PDE4D: variants seen among roughly 807,000 people sequenced by gnomAD.
The protein encoded by PDE4D is 3',5'-cyclic-AMP phosphodiesterase 4D.
Under a neutral mutation model 87.4 loss-of-function variants are expected in PDE4D, and 24 were observed. The observed-to-expected ratio is 0.27, with a 90% CI of 0.20 to 0.39. The LOEUF (loss-of-function observed/expected upper bound fraction) is 0.39, where lower values mean the gene tolerates loss of function less well. Ranked by LOEUF, PDE4D falls within the 10% of genes least tolerant of loss-of-function variation. The pLI is 1.00. For missense variants in PDE4D, 714 were observed against 1,041.0 expected (o/e 0.69, Z 4.32); for synonymous variants, 384 against 383.2 (o/e 1.00, Z -0.02).
At chr5:59,462,979 A>G (rs1383204093) in intron 1 of PDE4D, among the ~76,000 whole-genome samples, 1 of 152,116 alleles carries the variant, frequency 6.6e-6, no homozygotes, top group Non-Finnish European at 1.5e-5. Context: ...AGACCCCTCT[A>G]TTTATTCCTG....
At chr5:60,281,556 A>G (rs555389346) in intron 1 of PDE4D, among the ~76,000 whole-genome samples, 146 of 152,336 alleles carry the variant, frequency 9.6e-4, no homozygotes, top group African/African-American at 3.2e-3. Flanking sequence ...ATTATTCTAA[A>G]TGATAATAAA....
intron 3 of PDE4D, among the ~76,000 whole-genome samples, chr5:59,975,798 C>T (rs1761261279): frequency 6.6e-6 from 1 of 152,226 alleles, no homozygotes. Context: ...AGTGCAGACA[C>T]TCTACTTTAA....
At chr5:59,309,087 C>A (rs1174423590) in intron 1 of PDE4D, among the ~76,000 whole-genome samples, 1 of 152,100 alleles carries the variant, frequency 6.6e-6, no homozygotes, top group South Asian at 2.1e-4. Flanking sequence ...AATGGCTAGT[C>A]TCACTCTCAC....
chr5:60,473,944 T>C (rs990578144), intron 1 of PDE4D, among the ~76,000 whole-genome samples: 1 of 150,432 alleles, frequency 6.6e-6, no homozygotes. Context: ...AACCTTTTTT[T>C]CCTAAAGATA....
intron 1 of PDE4D, among the ~76,000 whole-genome samples, chr5:60,311,036 A>C (rs908540347): frequency 8.8e-6 from 1 of 113,574 alleles, no homozygotes; most frequent in Non-Finnish European, 1.7e-5. Flanking sequence ...TTTTTTTTTG[A>C]GGTGGAGTTT....
At chr5:60,498,582 G>A (rs1434207569) in intron 1 of PDE4D, among the ~76,000 whole-genome samples, 3 of 152,204 alleles carry the variant, frequency 2.0e-5, no homozygotes, top group Admixed American at 2.0e-4. Context: ...GCTGTGGGCA[G>A]AGGGCTTCAG....
chr5:59,439,490 A>G (rs535524998), intron 1 of PDE4D, among the ~76,000 whole-genome samples: 9 of 152,132 alleles, frequency 5.9e-5, no homozygotes, highest in East Asian at 1.9e-4. Context: ...ATCAGTTTCC[A>G]TGACACTTAG....
chr5:60,038,480 C>G (rs1296074300), intron 2 of PDE4D, among the ~76,000 whole-genome samples: 1 of 152,028 alleles, frequency 6.6e-6, no homozygotes, highest in Non-Finnish European at 1.5e-5. Flanking sequence ...TTCCACTGAT[C>G]TATATCTCTG....
intron 1 of PDE4D, among the ~76,000 whole-genome samples, chr5:59,827,946 T>A (rs189170431): frequency 5.9e-5 from 9 of 152,290 alleles, no homozygotes; most frequent in African/African-American, 1.9e-4. Context: ...TGAGGTCATA[T>A]TGTATTTGTT....
At chr5:59,360,192 C>T (rs886146286) in intron 1 of PDE4D, among the ~76,000 whole-genome samples, 2 of 152,084 alleles carry the variant, frequency 1.3e-5, no homozygotes, top group African/African-American at 2.4e-5. Context: ...ATAAGTTAAA[C>T]GTAATCCACA....
chr5:59,742,853 T>C (rs999743961), intron 1 of PDE4D, among the ~76,000 whole-genome samples: 2 of 152,164 alleles, frequency 1.3e-5, no homozygotes, highest in African/African-American at 4.8e-5. Flanking sequence ...CAAAAAAGAA[T>C]GAGTGGGAAA....
At chr5:59,237,782 G>GGTGT (rs61375269) in intron 1 of PDE4D, among the ~76,000 whole-genome samples, 1,320 of 29,400 alleles carry the variant, frequency 0.045, 8 homozygotes, top group Non-Finnish European at 0.064. Context: ...CCCTCATATA[G>GGTGT]GTGTGTGTGT....
intron 3 of PDE4D, among the ~76,000 whole-genome samples, chr5:59,952,661 C>T (rs946730216): frequency 4.6e-5 from 7 of 152,262 alleles, no homozygotes; most frequent in African/African-American, 1.7e-4. Flanking sequence ...ATAAAAAGGA[C>T]ACAGATTCTA....
At chr5:59,042,051 A>G (rs568452294) in intron 5 of PDE4D, among the ~76,000 whole-genome samples, 5 of 152,340 alleles carry the variant, frequency 3.3e-5, no homozygotes, top group African/African-American at 1.2e-4. Context: ...AAGTTCTAAC[A>G]TCTGTATAAA....
At chr5:59,466,441 C>T (rs1801597294) in intron 1 of PDE4D, among the ~76,000 whole-genome samples, 1 of 152,192 alleles carries the variant, frequency 6.6e-6, no homozygotes, top group East Asian at 1.9e-4. Context: ...GGGTTCAATG[C>T]TCTTTACACT....
intron 1 of PDE4D, among the ~76,000 whole-genome samples, chr5:59,723,642 T>C (rs180969581): frequency 6.6e-6 from 1 of 152,250 alleles, no homozygotes; most frequent in Non-Finnish European, 1.5e-5. Context: ...TTGGGCATTA[T>C]ACTTTATTCC....
chr5:60,030,343 G>A (rs1476547291), intron 2 of PDE4D, among the ~76,000 whole-genome samples: 1 of 152,104 alleles, frequency 6.6e-6, no homozygotes, highest in African/African-American at 2.4e-5. Flanking sequence ...CCAGCTACTC[G>A]GGAGGCTGAG....
intron 5 of PDE4D, among the ~76,000 whole-genome samples, chr5:59,131,457 T>C (rs1032439967): frequency 1.3e-5 from 2 of 152,200 alleles, no homozygotes; most frequent in Admixed American, 6.5e-5. Flanking sequence ...CAAGTCATTT[T>C]TGAGAGCATA....
intron 2 of PDE4D, among the ~76,000 whole-genome samples, chr5:60,018,255 C>G (rs1264608301): frequency 6.6e-6 from 1 of 151,810 alleles, no homozygotes; most frequent in Non-Finnish European, 1.5e-5. Context: ...ACTTCATAAG[C>G]AAAGGAGAAA....
Sources: allele counts gnomAD v4.1 joint callset (sites outside exome capture counted in the v4.1 genomes callset), GRCh38; gene constraint gnomAD v4.1.1; transcripts MANE v1.5; gene names NCBI Gene and HGNC (gene_info 2026-07-23, HGNC 2026-07-21).